The following CLIP1 variants were observed in gnomAD, a reference collection of about 807,000 sequenced individuals.
CLIP1 encodes the protein CAP-Gly domain-containing linker protein 1.
Under a neutral mutation model 161.6 loss-of-function variants are expected in CLIP1, and 66 were observed. The observed-to-expected ratio is 0.41, with a 90% CI of 0.33 to 0.50. CLIP1 has a LOEUF of 0.50. CLIP1 is among the 20% of genes least tolerant of loss of function. CLIP1 has a pLI of 0.27. For missense variants in CLIP1, 1,376 were observed against 1,702.0 expected (o/e 0.81, Z 3.37); for synonymous variants, 598 against 626.2 (o/e 0.96, Z 0.67).
chr12:122,273,061 G>A lies in CLIP1; in HGVS notation c.4131C>T (p.Leu1377=), dbSNP rs200969043. The A allele has an allele frequency of 1.2e-6, 2 of 1,614,182 alleles. No individual in the cohort carries two copies. The highest frequency in any genetic ancestry group is 2.2e-5 in the East Asian group (1 of 44,892). Residue 1377 remains leucine, a synonymous_variant, in exon 26 of 26, where the codon CTC becomes CTT. Coordinates refer to ENST00000620786, the MANE Select transcript of CLIP1 (RefSeq NM_001247997.2). Reference sequence around the variant, plus strand: ...CAAAGCAGTCACAAATGTCACAGAAGAGGCGAGGTTTCTTCTTGGACTGTT... The same window carrying A: ...CAAAGCAGTCACAAATGTCACAGAAAAGGCGAGGTTTCTTCTTGGACTGTT... The part of the protein sequence containing the change: ...QEKQSKKKPR[L]FCDICDCFDL...
Position 122,353,213 on chromosome 12 carries a change from C to A in CLIP1, c.1308-427G>T, listed in dbSNP as rs548309179. Among the ~76,000 whole-genome samples the A allele has an allele frequency of 2.2e-3, 332 of 152,188 alleles. 2 individuals are homozygous for A. The highest frequency in any genetic ancestry group is 7.8e-3 in the African/African-American group (325 of 41,514). On this transcript the variant is annotated intron_variant, in intron 7 of 25. Transcript: ENST00000620786. ...TTAAGAAATTAGCCAGGTGTGGCAG[C>A]GTGCACCCGTGTCAACTACTTGGGC...
chr12:122,295,461 T>C (rs1185834944), intron 20 of CLIP1, among the ~76,000 whole-genome samples: 2 of 152,224 alleles, frequency 1.3e-5, no homozygotes, highest in African/African-American at 4.8e-5. Flanking sequence ...TTTTCTACTG[T>C]GGTAAGGGAA....
intron 17 of CLIP1, among the ~76,000 whole-genome samples, chr12:122,321,315 G>A (rs565730721): frequency 6.7e-6 from 1 of 149,932 alleles, no homozygotes; most frequent in Non-Finnish European, 1.5e-5. Context: ...GCGCAAGCTC[G>A]GCTCACTGCA....
At position 122,303,608 on chromosome 12, in the gene CLIP1, T is replaced by C. The variant is rs548320187; in HGVS notation, c.3594+6154A>G. Among the ~76,000 whole-genome samples the C allele has an allele frequency of 6.6e-5, 10 of 152,336 alleles. No homozygotes were observed. In the South Asian group the frequency reaches 1.2e-3, roughly 19 times the overall value. On this transcript the variant is annotated intron_variant, in intron 20 of 25. Transcript: ENST00000620786. ...AGTGTTCTATGCACATCACTCACTC[T>C]ACCTGAACACAGGTAATCTCATTCC... is the stretch of plus-strand genomic sequence containing the variant.
chr12:122,275,640 A>ATG lies in CLIP1; in HGVS notation c.3967-1479_3967-1478insCA, dbSNP rs1555253372. ...AAGAAAAAAATACACACACACACAC[A>ATG]CGCGCACACACACACACACACACAC... On this transcript the variant is annotated intron_variant, in intron 24 of 25. Coordinates refer to ENST00000620786, the MANE Select transcript of CLIP1 (RefSeq NM_001247997.2). 3.2e-4 allele frequency: 28 copies of ATG among 86,394 alleles called. No individual in the cohort carries two copies. The East Asian group carries it at 4.2e-3, about 13-fold the overall frequency. 5.4% of individuals were successfully genotyped at this position (86,394 alleles called of 1,614,324 possible).
At chr12:122,330,593 T>C (rs989432944) in intron 15 of CLIP1, among the ~76,000 whole-genome samples, 64 of 127,852 alleles carry the variant, frequency 5.0e-4, no homozygotes, top group African/African-American at 1.8e-3. Flanking sequence ...AGAAGTATAA[T>C]GCAGTTTTTT....
intron 1 of CLIP1, among the ~76,000 whole-genome samples, chr12:122,386,451 T>C (rs1348873554): frequency 6.6e-6 from 1 of 152,178 alleles, no homozygotes; most frequent in African/African-American, 2.4e-5. Flanking sequence ...AGTGAGTCCG[T>C]GGAGCAGGTA....
intron 1 of CLIP1, among the ~76,000 whole-genome samples, chr12:122,401,109 C>T (rs1956126856): frequency 6.6e-6 from 1 of 152,084 alleles, no homozygotes; most frequent in Admixed American, 6.6e-5. Context: ...CAAGGTTTTG[C>T]CATGTTGGTC....
At chr12:122,370,395 C>G (rs1016555766) in intron 3 of CLIP1, among the ~76,000 whole-genome samples, 2 of 152,080 alleles carry the variant, frequency 1.3e-5, no homozygotes, top group Admixed American at 1.3e-4. Context: ...ATCTACAACA[C>G]CTGGAACAAC....
chr12:122,352,660 A>G, intron 8 of CLIP1, 66 bp downstream of exon 8: 1 of 1,367,850 alleles, frequency 7.3e-7, no homozygotes, highest in African/African-American at 1.4e-5. Context: ...CAATTGGTGC[A>G]TTATTTCGCC....
intron 18 of CLIP1, among the ~76,000 whole-genome samples, chr12:122,318,612 C>T (rs2136618638): frequency 6.6e-6 from 1 of 152,292 alleles, no homozygotes; most frequent in Admixed American, 6.5e-5. Context: ...CTTCACATAA[C>T]CATTTTGGTG....
chr12:122,394,864 AAAG>A lies in CLIP1; in HGVS notation c.-106-14309_-106-14307del, dbSNP rs989895385. Among the ~76,000 whole-genome samples the A allele has an allele frequency of 1.1e-4, 17 of 152,340 alleles. No individual in the cohort carries two copies. In the East Asian group the frequency reaches 2.1e-3, roughly 19 times the overall value. ...GAGACTCCGGCTCAAAAATAAAAAA[AAAG>A]AAGGACAATCCTTTAAAAAGTTAAT... is the stretch of plus-strand genomic sequence containing the variant. On this transcript the variant is annotated intron_variant, in intron 1 of 25. Transcript: ENST00000620786.
intron 8 of CLIP1, 35 bp from the exon 9 acceptor site, chr12:122,351,178 A>C: frequency 7.6e-7 from 1 of 1,312,244 alleles, no homozygotes; most frequent in Non-Finnish European, 1.0e-6. Flanking sequence ...TTAAACAACA[A>C]CAAAAAAGAG....
chr12:122,386,590 G>A (rs1593218278), intron 1 of CLIP1, among the ~76,000 whole-genome samples: 2 of 152,122 alleles, frequency 1.3e-5, no homozygotes. Context: ...TGACCAAAGA[G>A]AATAGTGTCT....
At chr12:122,321,390 C>T (rs923516397) in intron 17 of CLIP1, among the ~76,000 whole-genome samples, 2 of 151,874 alleles carry the variant, frequency 1.3e-5, no homozygotes, top group Non-Finnish European at 2.9e-5. Flanking sequence ...GGATTATAAG[C>T]GCACGCCACC....
In CLIP1 at chr12:122,282,959, G is replaced by T. The variant is rs564815285; in HGVS notation, c.3648-3814C>A. Among the ~76,000 whole-genome samples, 112 of 152,240 alleles carry T rather than the reference G, an allele frequency of 7.4e-4. 1 individual carries two copies. The highest frequency in any genetic ancestry group is 3.4e-3 in the Middle Eastern group (1 of 294). ...GACAGTTAGCAACCCACAGTGAGCC[G>T]GATGAGCTGAAGTAGCACGGGACCT... On this transcript the variant is annotated intron_variant, in intron 21 of 25. Transcript: ENST00000620786.
At chr12:122,285,655 T>TA (rs59476861) in intron 21 of CLIP1, among the ~76,000 whole-genome samples, 4 of 148,714 alleles carry the variant, frequency 2.7e-5, no homozygotes, top group Non-Finnish European at 4.5e-5. Context: ...TTTTTTTTTT[T>TA]AAATGGAGAC....
At chr12:122,346,671 T>C (rs1223855453) in intron 10 of CLIP1, among the ~76,000 whole-genome samples, 1 of 152,048 alleles carries the variant, frequency 6.6e-6, no homozygotes, top group African/African-American at 2.4e-5. Flanking sequence ...CCCAGCCAAT[T>C]TTTGTATTTT....
At chr12:122,367,034 C>T (rs1954208295) in intron 3 of CLIP1, among the ~76,000 whole-genome samples, 1 of 152,118 alleles carries the variant, frequency 6.6e-6, no homozygotes, top group Admixed American at 6.6e-5. Flanking sequence ...ATCATGTGAG[C>T]AGGACACAGC....
Sources: gnomAD v4.1 joint callset for allele counts (sites outside exome capture counted in the v4.1 genomes callset) on GRCh38, gnomAD v4.1.1 for gene constraint, MANE v1.5 for transcripts, NCBI Gene and HGNC (gene_info 2026-07-23, HGNC 2026-07-21) for gene names.